Variants in HSPA12A observed in about 807,000 individuals in gnomAD.
The protein encoded by HSPA12A is heat shock 70 kDa protein 12A.
HSPA12A carries 28 observed loss-of-function variants against 69.2 expected under a neutral mutation model. The observed-to-expected ratio is 0.40, with a 90% CI of 0.30 to 0.55. The LOEUF is 0.55. Among genes scored for constraint, HSPA12A ranks in the 20% least tolerant of loss-of-function variants. The pLI is 0.38. For missense variants in HSPA12A, 686 were observed against 900.7 expected (o/e 0.76, Z 3.05); for synonymous variants, 345 against 370.5 (o/e 0.93, Z 0.79).
chr10:116,675,281 C>T lies in HSPA12A; in HGVS notation c.1528G>A (p.Val510Met), dbSNP rs782554418. ...GCACCCTTGAGGATGGTGAGGCCCA[C>T]GTCCTGGGGGATGATGATCCGGCAC... ...DQCRIIIPQD[V>M]GLTILKGAVL... is the part of the protein sequence containing the mutation. The change falls in exon 12 of 12, where the codon GTG becomes ATG. Residue 510 changes from valine to methionine, a missense_variant. By Grantham distance (21) the Val-to-Met change is conservative (BLOSUM62 1). Transcript: ENST00000369209. This position sits in a 1 kb window ranked among gnomAD's most constrained non-coding sequence, Gnocchi z 5.2. 29 of 1,613,484 alleles carry T rather than the reference C, an allele frequency of 1.8e-5. No homozygotes were observed. The highest frequency in any genetic ancestry group is 4.0e-5 in the African/African-American group (3 of 74,928).
intron 2 of HSPA12A, among the ~76,000 whole-genome samples, chr10:116,758,701 AAT>A (rs1328952438): frequency 1.3e-5 from 2 of 152,018 alleles, no homozygotes; most frequent in Non-Finnish European, 2.9e-5. Flanking sequence ...AAAAAGAAAT[AAT>A]ATATATATAT....
At chr10:116,764,362 T>C (rs1844033632) in intron 2 of HSPA12A, among the ~76,000 whole-genome samples, 2 of 152,112 alleles carry the variant, frequency 1.3e-5, no homozygotes, top group East Asian at 1.9e-4. Flanking sequence ...GAAAATACAA[T>C]ATGGTAGATT....
At chr10:116,848,736 T>C (rs548217492) in intron 1 of HSPA12A, among the ~76,000 whole-genome samples, 1 of 135,086 alleles carries the variant, frequency 7.4e-6, no homozygotes, top group South Asian at 2.4e-4. Context: ...AGAGGGAACG[T>C]GAGCCAAGGC....
intron 6 of HSPA12A, among the ~76,000 whole-genome samples, chr10:116,689,721 C>G (rs908853440): frequency 1.3e-5 from 2 of 151,800 alleles, no homozygotes; most frequent in African/African-American, 4.8e-5. Flanking sequence ...GCTGGAGACC[C>G]AGGAGAACCC....
At chr10:116,797,002 G>A (rs1223271495) in intron 2 of HSPA12A, among the ~76,000 whole-genome samples, 1 of 152,128 alleles carries the variant, frequency 6.6e-6, no homozygotes, top group African/African-American at 2.4e-5. Flanking sequence ...GCTGCCCCCG[G>A]GAACTCTTCT....
At chr10:116,834,993 A>C in exon 2 of HSPA12A, 1 of 1,231,508 alleles carries the variant, frequency 8.1e-7, no homozygotes, top group Non-Finnish European at 1.0e-6. Flanking sequence ...CTTTACACCC[A>C]CAGAATCCGT....
chr10:116,792,613 C>CAAAAAAAAAAAA (rs56344323), intron 2 of HSPA12A, among the ~76,000 whole-genome samples: 17 of 107,980 alleles, frequency 1.6e-4, no homozygotes, highest in East Asian at 8.8e-4. Context: ...CTTGCATCTA[C>CAAAAAAAAAAAA]AAAAAAAAAA....
intron 2 of HSPA12A, among the ~76,000 whole-genome samples, chr10:116,752,944 C>T (rs1382733579): frequency 1.3e-5 from 2 of 152,176 alleles, no homozygotes; most frequent in Non-Finnish European, 2.9e-5. Context: ...GAGGCAGGAG[C>T]TTTGTAAGAG....
intron 11 of HSPA12A, 39 bp downstream of exon 11, chr10:116,676,360 C>T (rs371999275): frequency 6.5e-7 from 1 of 1,533,744 alleles, no homozygotes; most frequent in African/African-American, 1.4e-5. Flanking sequence ...CCTTTCTCAG[C>T]TCTGCCTCGC....
chr10:116,746,155 A>G (rs1440506149), upstream of HSPA12A, among the ~76,000 whole-genome samples: 1 of 151,900 alleles, frequency 6.6e-6, no homozygotes, highest in Non-Finnish European at 1.5e-5. Context: ...ACAGCCCCAC[A>G]CACGCTTCCC....
In HSPA12A at chr10:116,679,651, C is replaced by T. The variant is rs782466965; in HGVS notation, c.1138G>A (p.Val380Ile). The T allele has an allele frequency of 1.9e-6, 3 of 1,614,250 alleles. No individual in the cohort carries two copies. Among genetic ancestry groups the T allele is most frequent in the Non-Finnish European group, 2.5e-6 (3 of 1,180,050 alleles). Residue 380 changes from valine (V) to isoleucine (I), a missense_variant, in exon 10 of 12, where the codon GTT becomes ATT. Transcript: ENST00000369209. Reference protein sequence around the residue: ...QFKIKRPAAWVDLMIAFESRK... With the variant: ...QFKIKRPAAWIDLMIAFESRK... ...GACTCAAACGCAATCATTAAGTCAA[C>T]CCAGGCTGCAGGGCGTTTGATTTTG...
At chr10:116,828,544 T>C (rs1262039460) in intron 2 of HSPA12A, among the ~76,000 whole-genome samples, 4 of 152,240 alleles carry the variant, frequency 2.6e-5, no homozygotes, top group African/African-American at 9.6e-5. Flanking sequence ...TGTAACTCGA[T>C]GCATGCTTCA....
At position 116,705,221 on chromosome 10, in the gene HSPA12A, C is replaced by A. The variant is rs1431433773; in HGVS notation, c.184G>T (p.Asp62Tyr). ...QQSFLVVVAV[D>Y]FGTTSSGYAY... is the part of the protein sequence containing the mutation. Reference sequence around the variant, plus strand: ...TAGCCACTGGATGTGGTCCCAAAGTCGACGGCCACCACCACGAGAAATGAC... The same window carrying A: ...TAGCCACTGGATGTGGTCCCAAAGTAGACGGCCACCACCACGAGAAATGAC... Residue 62 changes from aspartate to tyrosine, a missense_variant, in exon 3 of 12, where the codon GAC becomes TAC. Asp to Tyr is a radical substitution (Grantham distance 160, BLOSUM62 -3). Coordinates refer to ENST00000369209, the MANE Select transcript of HSPA12A (RefSeq NM_025015.3). The A allele has an allele frequency of 1.9e-6, 3 of 1,613,986 alleles. No individual in the cohort carries two copies. The highest frequency in any genetic ancestry group is 2.5e-6 in the Non-Finnish European group (3 of 1,180,024).
rs1167457701 is a variant in HSPA12A at position 116,679,512 on chromosome 10, C to T, written c.1277G>A (p.Arg426Gln). Residue 426 changes from arginine to glutamine, a missense_variant, in exon 10 of 12, where the codon CGG becomes CAG. Transcript: ENST00000369209. Reference protein sequence around the residue: ...FRGHSVEHALRKSNVDFVKWS... With the variant: ...FRGHSVEHALQKSNVDFVKWS... ...GATGAGCCCAACTCACTTGCTTTTC[C>T]GCAAGGCGTGCTCCACACTGTGCCC... 26 of 1,613,368 alleles carry T rather than the reference C, an allele frequency of 1.6e-5. No individual in the cohort carries two copies. Among genetic ancestry groups the T allele is most frequent in the Non-Finnish European group, 2.2e-5 (26 of 1,179,786 alleles).
At chr10:116,719,381 C>A (rs1399092271) in intron 1 of HSPA12A, among the ~76,000 whole-genome samples, 1 of 152,216 alleles carries the variant, frequency 6.6e-6, no homozygotes, top group East Asian at 1.9e-4. Context: ...CTGCAGCTGC[C>A]ACCTTGCCAC....
At chr10:116,769,280 G>T (rs1257736945) in intron 2 of HSPA12A, among the ~76,000 whole-genome samples, 1 of 152,056 alleles carries the variant, frequency 6.6e-6, no homozygotes, top group South Asian at 2.1e-4. Flanking sequence ...GCTTGGTGGG[G>T]TCTTCTTAAG....
intron 2 of HSPA12A, among the ~76,000 whole-genome samples, chr10:116,788,445 A>G (rs1422044779): frequency 6.6e-6 from 1 of 152,254 alleles, no homozygotes; most frequent in Non-Finnish European, 1.5e-5. Context: ...CCCAAAATAC[A>G]ATAGCTTGTT....
At chr10:116,794,393 C>G (rs1844771491) in intron 2 of HSPA12A, among the ~76,000 whole-genome samples, 1 of 152,070 alleles carries the variant, frequency 6.6e-6, no homozygotes, top group African/African-American at 2.4e-5. Flanking sequence ...GGCAAGCAAG[C>G]AGAATATTAA....
In HSPA12A at chr10:116,837,267, T is replaced by A. The variant is rs368792006; in HGVS notation, c.4-2245A>T. Among the ~76,000 whole-genome samples, 25 of 152,322 alleles carry A rather than the reference T, an allele frequency of 1.6e-4. 3 individuals are homozygous for A. Among genetic ancestry groups the A allele is most frequent in the Admixed American group, 1.4e-3 (21 of 15,302 alleles). On this transcript the variant is annotated intron_variant, in intron 1 of 12. Coordinates refer to the HSPA12A transcript ENST00000635765. ...CATTTTCCTCCGACAGGTGAAAGTG[T>A]AAGTTTATATCTAAATCAGAAAGAA...
Sources: gnomAD v4.1 joint callset for allele counts (sites outside exome capture counted in the v4.1 genomes callset) on GRCh38, gnomAD v4.1.1 for gene constraint, Gnocchi (gnomAD v3.1) non-coding constraint, MANE v1.5 for transcripts, NCBI Gene and HGNC (gene_info 2026-07-23, HGNC 2026-07-21) for gene names.